The following MYO1D variants were observed in gnomAD, a reference collection of about 807,000 sequenced individuals.
MYO1D encodes the protein unconventional myosin-Id.
MYO1D carries 83 observed loss-of-function variants against 122.0 expected under a neutral mutation model. That is an observed-to-expected ratio of 0.68 (90% CI 0.57 to 0.82). The LOEUF is 0.82. MYO1D is among the 40% of genes least tolerant of loss of function. The pLI is 0.00. For synonymous variants in MYO1D, 464 were observed against 446.9 expected (o/e 1.04, Z -0.48); for missense variants, 1,157 against 1,269.5 (o/e 0.91, Z 1.35).
intron 1 of MYO1D, among the ~76,000 whole-genome samples, chr17:32,868,572 T>C (rs1324786248): frequency 1.3e-5 from 2 of 152,058 alleles, no homozygotes; most frequent in African/African-American, 4.8e-5. Context: ...GAGATGAAAA[T>C]ATCTAGCTCT....
At chr17:32,641,811 T>C (rs140460936) in intron 19 of MYO1D, among the ~76,000 whole-genome samples, 2,383 of 152,230 alleles carry the variant, frequency 0.016, 57 homozygotes, top group African/African-American at 0.047. Flanking sequence ...GTTTGAGTTC[T>C]TTGTAGATTC....
chr17:32,848,895 T>G (rs1236940090), intron 1 of MYO1D, among the ~76,000 whole-genome samples: 1 of 152,206 alleles, frequency 6.6e-6, no homozygotes, highest in African/African-American at 2.4e-5. Flanking sequence ...TAGATGACCA[T>G]TTCATAGACA....
chr17:32,598,668 A>AT (rs776277521), intron 21 of MYO1D, among the ~76,000 whole-genome samples: 193 of 151,748 alleles, frequency 1.3e-3, no homozygotes, highest in African/African-American at 2.1e-3. Flanking sequence ...AAGTCACACA[A>AT]TTTTTTTTTG....
intron 21 of MYO1D, among the ~76,000 whole-genome samples, chr17:32,558,748 GAAT>G (rs1378454206): frequency 6.6e-6 from 1 of 152,146 alleles, no homozygotes; most frequent in African/African-American, 2.4e-5. Flanking sequence ...CCTCTGCTTT[GAAT>G]AATACCAGTA....
At chr17:32,844,708 G>C (rs1263880261) in intron 1 of MYO1D, among the ~76,000 whole-genome samples, 3 of 151,860 alleles carry the variant, frequency 2.0e-5, no homozygotes, top group Non-Finnish European at 2.9e-5. Flanking sequence ...CTGGATGACA[G>C]GGCAAGACCC....
chr17:32,687,932 T>C (rs1279146641), intron 16 of MYO1D, among the ~76,000 whole-genome samples: 1 of 152,178 alleles, frequency 6.6e-6, no homozygotes, highest in East Asian at 1.9e-4. Context: ...CTGCCCTCCA[T>C]AATTTATAAT....
chr17:32,647,786 T>G (rs1176570511), intron 19 of MYO1D, among the ~76,000 whole-genome samples: 1 of 152,030 alleles, frequency 6.6e-6, no homozygotes, highest in Non-Finnish European at 1.5e-5. Context: ...AAATAGAGTT[T>G]CTAAATCTCA....
chr17:32,563,204 C>CTTTTTTTTTTTTTTTTTT (rs749819200), intron 21 of MYO1D, among the ~76,000 whole-genome samples: 3 of 105,138 alleles, frequency 2.9e-5, no homozygotes, highest in Non-Finnish European at 3.6e-5. Flanking sequence ...TTTTTCTTCT[C>CTTTTTTTTTTTTTTTTTT]TCTTTTTTTT....
At chr17:32,867,628 C>G (rs1031033137) in intron 1 of MYO1D, among the ~76,000 whole-genome samples, 1 of 151,414 alleles carries the variant, frequency 6.6e-6, no homozygotes, top group Non-Finnish European at 1.5e-5. Flanking sequence ...GAAACCCTGT[C>G]GCTACTAAAA....
At chr17:32,819,650 C>T (rs539141532) in intron 1 of MYO1D, among the ~76,000 whole-genome samples, 2 of 152,328 alleles carry the variant, frequency 1.3e-5, no homozygotes, top group African/African-American at 2.4e-5. Context: ...TCTCATGACA[C>T]TCTACCTTTA....
intron 1 of MYO1D, among the ~76,000 whole-genome samples, chr17:32,830,748 T>G (rs988976621): frequency 3.9e-5 from 6 of 152,178 alleles, no homozygotes; most frequent in African/African-American, 1.4e-4. Flanking sequence ...TTTCTGATTT[T>G]TCTACACAAA....
intron 21 of MYO1D, among the ~76,000 whole-genome samples, chr17:32,539,221 C>G (rs1369480551): frequency 6.8e-6 from 1 of 147,950 alleles, no homozygotes; most frequent in Non-Finnish European, 1.5e-5. Flanking sequence ...GCAGGAGGAT[C>G]GTTTGAGCCC....
intron 14 of MYO1D, among the ~76,000 whole-genome samples, chr17:32,727,068 A>AT (rs1436880469): frequency 6.6e-6 from 1 of 152,230 alleles, no homozygotes; most frequent in Non-Finnish European, 1.5e-5. Flanking sequence ...AAATGATAAA[A>AT]AATACTTGCA....
chr17:32,836,637 G>C (rs1035563137), intron 1 of MYO1D, among the ~76,000 whole-genome samples: 5 of 152,010 alleles, frequency 3.3e-5, no homozygotes, highest in Non-Finnish European at 7.4e-5. Context: ...TCATGTTGTT[G>C]TGTGTGTCAC....
At chr17:32,554,105 T>G (rs1597894093) in intron 21 of MYO1D, among the ~76,000 whole-genome samples, 1 of 152,158 alleles carries the variant, frequency 6.6e-6, no homozygotes, top group Non-Finnish European at 1.5e-5. Flanking sequence ...CTACAGCCAT[T>G]CAGTTGCCTG....
intron 1 of MYO1D, among the ~76,000 whole-genome samples, chr17:32,858,455 G>A (rs1207460062): frequency 6.6e-6 from 1 of 152,110 alleles, no homozygotes; most frequent in Non-Finnish European, 1.5e-5. Flanking sequence ...AGTCTTTCTT[G>A]GAATTTAACA....
intron 1 of MYO1D, among the ~76,000 whole-genome samples, chr17:32,848,776 T>A (rs1321672627): frequency 6.6e-6 from 1 of 152,142 alleles, no homozygotes; most frequent in East Asian, 1.9e-4. Context: ...ACACCCTTCT[T>A]GCCATAGTAG....
chr17:32,863,298 C>T (rs1427330181), intron 1 of MYO1D, among the ~76,000 whole-genome samples: 1 of 152,186 alleles, frequency 6.6e-6, no homozygotes, highest in African/African-American at 2.4e-5. Context: ...CTTGCCTTTC[C>T]AGCCAAACAC....
In MYO1D at chr17:32,767,687, T is replaced by C; in HGVS notation, c.780A>G (p.Lys260=). 1 of 1,613,964 alleles carries C rather than the reference T, an allele frequency of 6.2e-7. No homozygotes were observed. Among genetic ancestry groups the C allele is most frequent in the South Asian group, 1.1e-5 (1 of 91,070 alleles). ...VADAMKVIGF[K]PEEIQTVYKI... ...TATACACTGTTTGGATCTCCTCAGGTTTGAAGCCAATGACTTTCATGGCAT... is the reference window on the plus strand; with the variant it reads ...TATACACTGTTTGGATCTCCTCAGGCTTGAAGCCAATGACTTTCATGGCAT... Residue 260 remains lysine, a synonymous_variant, in exon 7 of 22, where the codon AAA becomes AAG. Transcript: ENST00000318217.
Sources: allele counts gnomAD v4.1 joint callset (sites outside exome capture counted in the v4.1 genomes callset), GRCh38; gene constraint gnomAD v4.1.1; transcripts MANE v1.5; gene names NCBI Gene and HGNC (gene_info 2026-07-23, HGNC 2026-07-21).